Variants in RUBCNL observed in about 807,000 individuals in gnomAD.
RUBCNL encodes rubicon like autophagy enhancer.
In RUBCNL, 62 loss-of-function variants were observed where a neutral mutation model predicts 69.5. The ratio of observed to expected loss-of-function variants is 0.89; its 90% CI spans 0.73 to 1.10. The LOEUF is 1.10. Ranked by LOEUF, RUBCNL falls within the 50% of genes least tolerant of loss-of-function variation. The probability of loss-of-function intolerance (pLI) is 0.00; values close to 1 mark genes in which losing one functional copy is unlikely to be tolerated. For synonymous variants in RUBCNL, 291 were observed against 303.6 expected, an observed-to-expected ratio of 0.96 and a Z score of 0.43; for missense variants, 768 against 798.1, an observed-to-expected ratio of 0.96 and a Z score of 0.45.
chr13:46,361,518 G>A lies in RUBCNL; in HGVS notation c.1042C>T (p.Arg348Cys), dbSNP rs758249546. The change falls in exon 8 of 15, where the codon CGC becomes TGC. Residue 348 changes from arginine (R) to cysteine (C), a missense_variant. Coordinates refer to ENST00000429979, the MANE Select transcript of RUBCNL (RefSeq NM_025113.5). ...SAELLAKELY[R>C]VFQKCWILSV... ...AGTATCCAGCACTTCTGGAACACGC[G>A]GTACAGCTCTTTGGCTAATAGTTCT... 2.4e-5 allele frequency: 39 copies of A among 1,612,700 alleles called. No homozygotes were observed. Among genetic ancestry groups the A allele is most frequent in the South Asian group, 1.5e-4 (14 of 90,840 alleles).
At chr13:46,347,509 C>G (rs917718550) in intron 12 of RUBCNL, among the ~76,000 whole-genome samples, 4 of 152,128 alleles carry the variant, frequency 2.6e-5, no homozygotes, top group African/African-American at 7.2e-5. Context: ...TTTTTGAAGA[C>G]CATGGTTCCA....
chr13:46,388,373 G>A (rs529096100), upstream of RUBCNL, among the ~76,000 whole-genome samples: 32 of 122,544 alleles, frequency 2.6e-4, no homozygotes, highest in East Asian at 2.8e-3. Flanking sequence ...AAGAAAGGAA[G>A]GAAGGAAGGG....
chr13:46,389,661 ACTAACT>A (rs1185004366), upstream of RUBCNL: 1 of 152,226 alleles, frequency 6.6e-6, no homozygotes, highest in Non-Finnish European at 1.5e-5. This position sits in a 1 kb window ranked among gnomAD's most constrained non-coding sequence, Gnocchi z 4.2. Flanking sequence ...TGGACATCCT[ACTAACT>A]CTGAGTATAG....
chr13:46,370,740 A>G (rs2048859602), intron 3 of RUBCNL, among the ~76,000 whole-genome samples: 1 of 152,176 alleles, frequency 6.6e-6, no homozygotes, highest in Non-Finnish European at 1.5e-5. Context: ...AGGGTATGCT[A>G]GGCCCCAAAG....
chr13:46,364,732 T>G (rs1472183053), intron 5 of RUBCNL, among the ~76,000 whole-genome samples: 11 of 149,626 alleles, frequency 7.4e-5, no homozygotes, highest in Non-Finnish European at 3.0e-5. Flanking sequence ...CAGGACCAAC[T>G]GGCAGTTTGA....
intron 1 of RUBCNL, among the ~76,000 whole-genome samples, chr13:46,380,474 G>C (rs2049094594): frequency 6.6e-6 from 1 of 152,184 alleles, no homozygotes; most frequent in Non-Finnish European, 1.5e-5. Flanking sequence ...CTGATCCAAA[G>C]CTGTTTCCAC....
At chr13:46,362,071 C>CAA (rs79139530) in intron 7 of RUBCNL, among the ~76,000 whole-genome samples, 1 of 112,396 alleles carries the variant, frequency 8.9e-6, no homozygotes, top group Non-Finnish European at 1.9e-5. Context: ...ACTAAAAATA[C>CAA]AAAAAAAAAA....
At chr13:46,344,870 G>T in intron 13 of RUBCNL, 39 bp from the exon 14 acceptor site, 3 of 1,348,080 alleles carry the variant, frequency 2.2e-6, no homozygotes, top group Non-Finnish European at 1.1e-6. Flanking sequence ...ACCTTCTCTT[G>T]ATGGATAAGC....
intron 1 of RUBCNL, among the ~76,000 whole-genome samples, chr13:46,382,941 G>A (rs917885750): frequency 1.3e-5 from 2 of 152,196 alleles, no homozygotes; most frequent in Non-Finnish European, 2.9e-5. Flanking sequence ...TGTTTTAAGT[G>A]CCTATTTTTT....
rs367683312 is a variant in RUBCNL at position 46,345,281 on chromosome 13, G to A, written c.1785+166C>T. On this transcript the variant is annotated intron_variant, in intron 13 of 14. Transcript: ENST00000429979. ...TCCCGGCTCTGCCACTTACCAGCAGGGGTATCTCAGCTGTTACTTCACAGC... is the reference window on the plus strand; with the variant it reads ...TCCCGGCTCTGCCACTTACCAGCAGAGGTATCTCAGCTGTTACTTCACAGC... Among the ~76,000 whole-genome samples the A allele has an allele frequency of 4.9e-4, 74 of 152,214 alleles. 2 individuals are homozygous for A. The South Asian group carries it at 0.015, about 30-fold the overall frequency.
At chr13:46,377,515 C>T (rs531367103) in intron 2 of RUBCNL, among the ~76,000 whole-genome samples, 5 of 152,322 alleles carry the variant, frequency 3.3e-5, no homozygotes, top group African/African-American at 4.8e-5. Flanking sequence ...CCACCCAACT[C>T]GGCCTTCCAA....
In RUBCNL at chr13:46,342,022, T is replaced by C. The variant is rs2048148855; in HGVS notation, c.*1363A>G. The C allele has an allele frequency of 6.6e-6, 1 of 152,256 alleles. No individual in the cohort carries two copies. The highest frequency in any genetic ancestry group is 2.4e-5 in the African/African-American group (1 of 41,472). The allele number at this position is 152,256 out of a possible 1,614,324, so 9.4% of individuals were successfully genotyped here. On this transcript the variant is annotated 3_prime_UTR_variant, in exon 15 of 15. Transcript: ENST00000429979. ...ATTGTTTGAAGTCTGGTTTTATTTATTCTATGTGCCTCTACACTTCTATAA... is the reference window on the plus strand; with the variant it reads ...ATTGTTTGAAGTCTGGTTTTATTTACTCTATGTGCCTCTACACTTCTATAA...
At chr13:46,388,340 G>A (rs1170201560), upstream of RUBCNL, among the ~76,000 whole-genome samples, 1 of 145,930 alleles carries the variant, frequency 6.9e-6, no homozygotes, top group Non-Finnish European at 1.5e-5. Context: ...CTAAGCCAAG[G>A]AAGGAAGGAA....
chr13:46,380,701 T>C (rs2049098552), intron 1 of RUBCNL, among the ~76,000 whole-genome samples: 1 of 152,210 alleles, frequency 6.6e-6, no homozygotes, highest in Admixed American at 6.5e-5. Flanking sequence ...AGATCTAATA[T>C]AAGAATATTA....
intron 5 of RUBCNL, among the ~76,000 whole-genome samples, chr13:46,366,540 G>C (rs1320357674): frequency 6.6e-6 from 1 of 152,208 alleles, no homozygotes; most frequent in Non-Finnish European, 1.5e-5. Flanking sequence ...TATATCTTAA[G>C]ACAAAACAAC....
Position 46,356,442 on chromosome 13 carries a change from T to C in RUBCNL, c.1320A>G (p.Pro440=), listed in dbSNP as rs753887528. The change falls in exon 10 of 15, where the codon CCA becomes CCG. Residue 440 remains proline, a synonymous_variant. Transcript: ENST00000429979. The stretch of plus-strand genomic sequence containing the variant: ...ATTATCCGTACTTACTAGGCTCTAC[T>C]GGAGTTCCACAGCCGGCACAGAAAA... The part of the protein sequence containing the change: ...QNFFCAGCGT[P]VEPKFVKRLR... The C allele has an allele frequency of 2.5e-6, 4 of 1,613,946 alleles. No individual in the cohort carries two copies. The South Asian group carries it at 4.4e-5, about 18-fold the overall frequency.
At chr13:46,384,102 AAGTG>A (rs2138857117) in intron 1 of RUBCNL, among the ~76,000 whole-genome samples, 1 of 152,326 alleles carries the variant, frequency 6.6e-6, no homozygotes, top group South Asian at 2.1e-4. Context: ...CCTAAACTAA[AAGTG>A]AGCAACCAAA....
At chr13:46,364,887 T>TAA (rs1229313949) in intron 5 of RUBCNL, among the ~76,000 whole-genome samples, 2 of 152,168 alleles carry the variant, frequency 1.3e-5, no homozygotes, top group Non-Finnish European at 2.9e-5. Flanking sequence ...CATGTTTTCT[T>TAA]AAAGTTTCAG....
chr13:46,361,597 C>T (rs1298171327), intron 7 of RUBCNL, 24 bp from the exon 8 acceptor site: 5 of 1,569,616 alleles, frequency 3.2e-6, no homozygotes, highest in Non-Finnish European at 4.3e-6. Context: ...GATGCAAATA[C>T]TGGAAAACTA....
Sources: gnomAD v4.1 joint callset for allele counts (sites outside exome capture counted in the v4.1 genomes callset) on GRCh38, gnomAD v4.1.1 for gene constraint, Gnocchi (gnomAD v3.1) non-coding constraint, MANE v1.5 for transcripts, NCBI Gene and HGNC (gene_info 2026-07-23, HGNC 2026-07-21) for gene names.